The following PLEKHM3 variants were observed in gnomAD, a reference collection of about 807,000 sequenced individuals.
PLEKHM3 encodes pleckstrin homology domain-containing family M member 3.
Under a neutral mutation model 81.8 loss-of-function variants are expected in PLEKHM3, and 45 were observed. The observed-to-expected ratio is 0.55, with a 90% CI of 0.43 to 0.71. PLEKHM3 has a LOEUF of 0.71. Among genes scored for constraint, PLEKHM3 ranks in the 30% least tolerant of loss-of-function variants. The probability of loss-of-function intolerance (pLI) is 0.00; values close to 1 mark genes in which losing one functional copy is unlikely to be tolerated. For synonymous variants in PLEKHM3, 352 were observed against 356.4 expected (o/e 0.99, Z 0.14); for missense variants, 788 against 924.3 (o/e 0.85, Z 1.91).
intron 1 of PLEKHM3, among the ~76,000 whole-genome samples, chr2:208,005,970 A>G (rs1170990990): frequency 6.6e-6 from 1 of 152,140 alleles, no homozygotes; most frequent in Non-Finnish European, 1.5e-5. Flanking sequence ...ATTGGGACAA[A>G]AGCATAAGAG....
At position 207,845,072 on chromosome 2, in the gene PLEKHM3, G is replaced by A. The variant is rs1196944326; in HGVS notation, c.2108+16033C>T. 2.0e-5 allele frequency among the ~76,000 whole-genome samples: 3 copies of A among 152,304 alleles called. No homozygotes were observed. In the East Asian group the frequency reaches 5.8e-4, roughly 29 times the overall value. The stretch of plus-strand genomic sequence containing the variant: ...GCTGAAATGATAATTATTAATGGTA[G>A]CTGTAGATAGTTGTGAAGATGTTTC... On this transcript the variant is annotated intron_variant, in intron 7 of 7. Coordinates refer to ENST00000427836, the MANE Select transcript of PLEKHM3 (RefSeq NM_001080475.3).
At chr2:207,877,057 A>G (rs2092563097) in intron 6 of PLEKHM3, among the ~76,000 whole-genome samples, 1 of 152,334 alleles carries the variant, frequency 6.6e-6, no homozygotes, top group African/African-American at 2.4e-5. Context: ...GGAAAAGTCA[A>G]TGTACTGACC....
chr2:207,965,912 G>A (rs1690893623), intron 3 of PLEKHM3, among the ~76,000 whole-genome samples: 3 of 152,108 alleles, frequency 2.0e-5, no homozygotes, highest in Non-Finnish European at 4.4e-5. Context: ...TTAAATGAAG[G>A]ACCACATTAA....
intron 1 of PLEKHM3, among the ~76,000 whole-genome samples, chr2:208,023,341 A>G (rs1403156750): frequency 6.8e-6 from 1 of 146,260 alleles, no homozygotes; most frequent in Non-Finnish European, 1.5e-5. Flanking sequence ...ACAGTTCAGT[A>G]TTGTTAAGTA....
intron 1 of PLEKHM3, among the ~76,000 whole-genome samples, chr2:208,011,701 C>A (rs1692697920): frequency 6.6e-6 from 1 of 150,624 alleles, no homozygotes; most frequent in South Asian, 2.1e-4. Flanking sequence ...TCTCACAAGT[C>A]ACCACTAAAG....
intron 6 of PLEKHM3, among the ~76,000 whole-genome samples, chr2:207,907,045 T>C (rs138189609): frequency 1.2e-3 from 185 of 152,280 alleles, no homozygotes; most frequent in African/African-American, 4.3e-3. Context: ...ATTATTATTA[T>C]TATTTAATGA....
At chr2:207,841,228 A>G (rs2092349584) in intron 7 of PLEKHM3, among the ~76,000 whole-genome samples, 1 of 151,070 alleles carries the variant, frequency 6.6e-6, no homozygotes, top group Non-Finnish European at 1.5e-5. Flanking sequence ...GCCCTTTGGG[A>G]GGCCGAGGTG....
chr2:208,001,807 C>T lies in PLEKHM3; in HGVS notation c.-168G>A. 3 of 1,132,018 alleles carry T rather than the reference C, an allele frequency of 2.7e-6. No individual in the cohort carries two copies. Among genetic ancestry groups the T allele is most frequent in the Non-Finnish European group, 3.7e-6 (3 of 816,388 alleles). 70.1% of individuals were successfully genotyped at this position (1,132,018 alleles called of 1,614,324 possible). On this transcript the variant is annotated 5_prime_UTR_variant, in exon 2 of 8. Transcript: ENST00000427836. The stretch of plus-strand genomic sequence containing the variant: ...CCAAACCCAAAGTGGTTGATGTTTT[C>T]CTGGTAATTAAAAGCATTTGCTAGT...
intron 5 of PLEKHM3, among the ~76,000 whole-genome samples, chr2:207,924,275 A>G (rs913480717): frequency 6.6e-6 from 1 of 152,164 alleles, no homozygotes. Context: ...GCAGCTGGAC[A>G]TAACAAACTA....
chr2:207,923,995 G>A (rs896127042), intron 5 of PLEKHM3, among the ~76,000 whole-genome samples: 3 of 137,732 alleles, frequency 2.2e-5, no homozygotes, highest in African/African-American at 5.5e-5. Context: ...TGCAACCTCC[G>A]CCTCCCAGGT....
intron 3 of PLEKHM3, among the ~76,000 whole-genome samples, chr2:207,974,975 C>T (rs1006241063): frequency 1.3e-5 from 2 of 151,042 alleles, no homozygotes; most frequent in Non-Finnish European, 3.0e-5. Flanking sequence ...GGATTACAGG[C>T]GCCCACCACC....
At position 207,877,313 on chromosome 2, in the gene PLEKHM3, C is replaced by A. The variant is rs78851324; in HGVS notation, c.1951-16051G>T. On this transcript the variant is annotated intron_variant, in intron 6 of 7. Transcript: ENST00000427836. Reference sequence around the variant, plus strand: ...TCAGCCCCTAATGTCCTTCTCTGCACCACCTTGATCAGCTGCCTTTCCCAT... The same window carrying A: ...TCAGCCCCTAATGTCCTTCTCTGCAACACCTTGATCAGCTGCCTTTCCCAT... 6.7e-3 allele frequency among the ~76,000 whole-genome samples: 1,014 copies of A among 152,246 alleles called. 6 individuals carry two copies. The highest frequency in any genetic ancestry group is 0.011 in the Admixed American group (162 of 15,286).
At position 207,946,519 on chromosome 2, in the gene PLEKHM3, A is replaced by T; in HGVS notation, c.1547-7T>A. 1.2e-6 allele frequency: 2 copies of T among 1,613,502 alleles called. No homozygotes were observed. The highest frequency in any genetic ancestry group is 8.5e-7 in the Non-Finnish European group (1 of 1,179,648). ...CCTATGGATCGCTGGCAGCCTGTTCAAGGAAAAAGGAAGAGTCTATGATTG... is the reference window on the plus strand; with the variant it reads ...CCTATGGATCGCTGGCAGCCTGTTCTAGGAAAAAGGAAGAGTCTATGATTG... On this transcript the variant is annotated splice_polypyrimidine_tract_variant and splice_region_variant and intron_variant, in intron 3 of 7. Transcript: ENST00000427836.
intron 2 of PLEKHM3, among the ~76,000 whole-genome samples, chr2:207,995,866 T>A (rs918380928): frequency 6.6e-6 from 1 of 152,180 alleles, no homozygotes; most frequent in Non-Finnish European, 1.5e-5. Context: ...CCCTTCCCCA[T>A]TCTAGGAAAG....
intron 5 of PLEKHM3, among the ~76,000 whole-genome samples, chr2:207,915,782 G>A (rs1267196115): frequency 6.6e-6 from 1 of 152,150 alleles, no homozygotes; most frequent in African/African-American, 2.4e-5. Flanking sequence ...AATTTTGAAA[G>A]GAAAACCATT....
intron 3 of PLEKHM3, among the ~76,000 whole-genome samples, chr2:207,971,762 G>A (rs912987475): frequency 1.3e-5 from 2 of 152,190 alleles, no homozygotes; most frequent in Non-Finnish European, 1.5e-5. Flanking sequence ...TAATTTCACC[G>A]AAGAAGCATG....
At chr2:207,930,255 T>C (rs1387930652) in intron 5 of PLEKHM3, among the ~76,000 whole-genome samples, 3 of 152,242 alleles carry the variant, frequency 2.0e-5, no homozygotes, top group Middle Eastern at 3.4e-3. Flanking sequence ...GCCTGCATCA[T>C]TGACCAAGTT....
chr2:207,923,521 C>T (rs1156948069), intron 5 of PLEKHM3, among the ~76,000 whole-genome samples: 1 of 151,944 alleles, frequency 6.6e-6, no homozygotes, highest in Non-Finnish European at 1.5e-5. Flanking sequence ...GCAGGAGGAT[C>T]GCTTGAACCA....
chr2:207,952,098 G>A (rs2105979591), intron 3 of PLEKHM3, among the ~76,000 whole-genome samples: 1 of 152,234 alleles, frequency 6.6e-6, no homozygotes, highest in South Asian at 2.1e-4. Context: ...AACGCTCTAG[G>A]AAAAGAACAA....
Sources: gnomAD v4.1 joint callset for allele counts (sites outside exome capture counted in the v4.1 genomes callset) on GRCh38, gnomAD v4.1.1 for gene constraint, MANE v1.5 for transcripts, NCBI Gene and HGNC (gene_info 2026-07-23, HGNC 2026-07-21) for gene names.